Variants in NLGN1 observed in about 807,000 individuals in gnomAD.
NLGN1 encodes the protein neuroligin-1.
NLGN1 carries 12 observed loss-of-function variants against 65.5 expected under a neutral mutation model. The ratio of observed to expected loss-of-function variants is 0.18; its 90% confidence interval spans 0.12 to 0.30. The LOEUF is 0.30. Ranked by LOEUF, NLGN1 falls within the 10% of genes least tolerant of loss-of-function variation. The probability of loss-of-function intolerance (pLI) is 1.00; values close to 1 mark genes in which losing one functional copy is unlikely to be tolerated. For missense variants in NLGN1, 750 were observed against 1,007.1 expected, an observed-to-expected ratio of 0.74 and a Z score of 3.46; for synonymous variants, 350 against 359.5, an observed-to-expected ratio of 0.97 and a Z score of 0.30.
intron 3 of NLGN1, among the ~76,000 whole-genome samples, chr3:173,759,910 T>C (rs933870077): frequency 1.3e-4 from 20 of 152,104 alleles, no homozygotes; most frequent in African/African-American, 4.6e-4. Context: ...AATTACATCT[T>C]TAATCAACTG....
intron 2 of NLGN1, among the ~76,000 whole-genome samples, chr3:173,455,720 G>GTA (rs1007149999): frequency 2.0e-5 from 3 of 151,652 alleles, no homozygotes; most frequent in African/African-American, 2.4e-5. Context: ...ATATATGTGT[G>GTA]TATATATATG....
intron 4 of NLGN1, among the ~76,000 whole-genome samples, chr3:174,212,064 G>A (rs993460211): frequency 6.6e-6 from 1 of 152,166 alleles, no homozygotes; most frequent in Admixed American, 6.5e-5. Context: ...AGGAACCCAC[G>A]GAGGCGGGGG....
chr3:173,868,464 C>T (rs537531529), intron 4 of NLGN1, among the ~76,000 whole-genome samples: 2 of 152,124 alleles, frequency 1.3e-5, no homozygotes, highest in Non-Finnish European at 1.5e-5. Flanking sequence ...AATTAGTATG[C>T]GGTAAGTCTC....
intron 2 of NLGN1, among the ~76,000 whole-genome samples, chr3:173,463,456 A>G (rs1723738731): frequency 6.6e-6 from 1 of 152,210 alleles, no homozygotes; most frequent in South Asian, 2.1e-4. Context: ...TCAGTTCCAC[A>G]TTCCAACCTT....
At position 174,257,602 on chromosome 3, in the gene NLGN1, T is replaced by C. The variant is rs183611809; in HGVS notation, c.647-17713T>C. Among the ~76,000 whole-genome samples the C allele has an allele frequency of 3.3e-3, 496 of 152,196 alleles. 4 individuals carry two copies. Among genetic ancestry groups the C allele is most frequent in the Middle Eastern group, 0.01 (3 of 294 alleles). On this transcript the variant is annotated intron_variant, in intron 4 of 6. Transcript: ENST00000457714. The stretch of plus-strand genomic sequence containing the variant: ...CAATAAAAGGAATGAGTTATGTCCT[T>C]TGCAGGACAGGATGGATCTGGGAGC...
chr3:174,066,481 A>G (rs909106513), intron 4 of NLGN1, among the ~76,000 whole-genome samples: 1 of 148,856 alleles, frequency 6.7e-6, no homozygotes, highest in Non-Finnish European at 1.5e-5. Flanking sequence ...TATCAGTTTC[A>G]TCTAACCACA....
chr3:173,545,327 A>T (rs976792447), intron 2 of NLGN1, among the ~76,000 whole-genome samples: 1 of 151,572 alleles, frequency 6.6e-6, no homozygotes, highest in Non-Finnish European at 1.5e-5. Flanking sequence ...ACCCACCTAG[A>T]CCTCCCAAAG....
intron 4 of NLGN1, among the ~76,000 whole-genome samples, chr3:174,235,803 C>T (rs567003290): frequency 1.6e-4 from 24 of 152,228 alleles, no homozygotes; most frequent in South Asian, 1.2e-3. Context: ...GAACTAAGAA[C>T]AGACCAAATT....
intron 2 of NLGN1, among the ~76,000 whole-genome samples, chr3:173,470,109 A>G (rs973775494): frequency 1.3e-5 from 2 of 152,086 alleles, no homozygotes; most frequent in Non-Finnish European, 2.9e-5. Context: ...AGTAGCTGCC[A>G]GGGGTGCATC....
At chr3:173,409,493 C>G (rs893878666) in intron 1 of NLGN1, among the ~76,000 whole-genome samples, 1 of 152,128 alleles carries the variant, frequency 6.6e-6, no homozygotes, top group South Asian at 2.1e-4. Context: ...ATAAATCTAG[C>G]ATTCATCTAT....
chr3:174,046,721 T>C (rs954034264), intron 4 of NLGN1, among the ~76,000 whole-genome samples: 3 of 152,104 alleles, frequency 2.0e-5, no homozygotes, highest in Admixed American at 6.6e-5. Context: ...CATGCCTATT[T>C]ATAAAATTAA....
intron 2 of NLGN1, among the ~76,000 whole-genome samples, chr3:173,447,614 G>C (rs1026417231): frequency 6.6e-6 from 1 of 152,182 alleles, no homozygotes; most frequent in South Asian, 2.1e-4. Context: ...TTGGTAGCTT[G>C]ATGGGGATGG....
intron 2 of NLGN1, among the ~76,000 whole-genome samples, chr3:173,477,100 C>T (rs978882176): frequency 6.6e-6 from 1 of 151,986 alleles, no homozygotes; most frequent in African/African-American, 2.4e-5. Context: ...ATATATTGCT[C>T]AGTGTTCAGG....
chr3:173,405,356 A>G (rs1194431238), intron 1 of NLGN1, among the ~76,000 whole-genome samples: 1 of 151,024 alleles, frequency 6.6e-6, no homozygotes, highest in Non-Finnish European at 1.5e-5. Flanking sequence ...TGGTCATGCT[A>G]AGAAGAATAA....
chr3:173,424,030 CAAGCTGAACACCATGTGG>C (rs1362406569), intron 1 of NLGN1, among the ~76,000 whole-genome samples: 1 of 152,224 alleles, frequency 6.6e-6, no homozygotes, highest in Non-Finnish European at 1.5e-5. Context: ...TGTGCACCCA[CAAGCTGAACACCATGTGG>C]AAGCTGAACA....
rs555508001 is a variant in NLGN1, at chr3:173,531,991, A to G, written c.-320-72288A>G. ...ATAGAAGTGCATTTCAACTCCTACT[A>G]TTACTATTGCCTTTCACTCATTGCT... is the stretch of plus-strand genomic sequence containing the variant. On this transcript the variant is annotated intron_variant, in intron 2 of 6. Transcript: ENST00000457714. Among the ~76,000 whole-genome samples the G allele has an allele frequency of 4.6e-5, 7 of 152,286 alleles. No homozygotes were observed. In the South Asian group the frequency reaches 1.4e-3, roughly 32 times the overall value.
chr3:174,107,011 C>CAGAGAG (rs1194861514), intron 4 of NLGN1, among the ~76,000 whole-genome samples: 25 of 115,104 alleles, frequency 2.2e-4, no homozygotes, highest in Non-Finnish European at 2.8e-4. Context: ...CACACACACA[C>CAGAGAG]ACACACAGAG....
chr3:173,799,402 G>A (rs1578491405), intron 3 of NLGN1, among the ~76,000 whole-genome samples: 1 of 151,756 alleles, frequency 6.6e-6, no homozygotes, highest in Non-Finnish European at 1.5e-5. Context: ...TTGCAAATTA[G>A]CATTGTTAAG....
chr3:174,203,885 A>G (rs1233973028), intron 4 of NLGN1, among the ~76,000 whole-genome samples: 1 of 152,222 alleles, frequency 6.6e-6, no homozygotes, highest in African/African-American at 2.4e-5. Flanking sequence ...GACACAAAAC[A>G]AATTTCCTGG....
Sources: gnomAD v4.1 joint callset for allele counts (sites outside exome capture counted in the v4.1 genomes callset) on GRCh38, gnomAD v4.1.1 for gene constraint, MANE v1.5 for transcripts, NCBI Gene and HGNC (gene_info 2026-07-23, HGNC 2026-07-21) for gene names.